Variants in EMSY observed in about 807,000 individuals in gnomAD.
EMSY encodes the protein BRCA2-interacting transcriptional repressor EMSY.
Under a neutral mutation model 134.6 loss-of-function variants are expected in EMSY, and 26 were observed. The ratio of observed to expected loss-of-function variants is 0.19; its 90% CI spans 0.14 to 0.27. The LOEUF (loss-of-function observed/expected upper bound fraction) is 0.27. Ranked by LOEUF, EMSY falls within the 10% of genes least tolerant of loss-of-function variation. The pLI is 1.00. For synonymous variants in EMSY, 579 were observed against 577.8 expected (o/e 1.00, Z -0.03); for missense variants, 1,305 against 1,611.4 (o/e 0.81, Z 3.26).
chr11:76,448,636 A>G lies in EMSY; in HGVS notation c.70+1628A>G, dbSNP rs1947520011. Among the ~76,000 whole-genome samples the G allele has an allele frequency of 2.0e-5, 3 of 151,826 alleles. No individual in the cohort carries two copies. The South Asian group carries it at 6.2e-4, about 32-fold the overall frequency. The stretch of plus-strand genomic sequence containing the variant: ...TGCTTCTATATAAAAGAAAACAGTC[A>G]TCTCGTATGGTAATATCATCTTCAT... On this transcript the variant is annotated intron_variant, in intron 2 of 20. Coordinates refer to ENST00000334736, the Ensembl canonical transcript of EMSY.
chr11:76,523,346 G>A, intron 12 of EMSY, 55 bp downstream of exon 13: 4 of 1,562,046 alleles, frequency 2.6e-6, no homozygotes, highest in Non-Finnish European at 3.5e-6. Flanking sequence ...TTAAAGACCA[G>A]CTATATAAAT....
intron 8 of EMSY, among the ~76,000 whole-genome samples, chr11:76,476,742 A>G (rs576975091): frequency 7.2e-4 from 110 of 152,172 alleles, no homozygotes; most frequent in Middle Eastern, 3.4e-3. Flanking sequence ...TTCATCTTGT[A>G]CATTTTCTCC....
intron 8 of EMSY, among the ~76,000 whole-genome samples, chr11:76,474,506 A>T (rs1370766821): frequency 6.6e-6 from 1 of 152,196 alleles, no homozygotes; most frequent in Non-Finnish European, 1.5e-5. Flanking sequence ...ATGATGTATT[A>T]TGTATTTTAT....
At chr11:76,446,358 T>TAC (rs1947406684) in intron 1 of EMSY, among the ~76,000 whole-genome samples, 2 of 149,516 alleles carry the variant, frequency 1.3e-5, no homozygotes, top group Non-Finnish European at 3.0e-5. Context: ...TGTATATATA[T>TAC]ATATGTATGT....
chr11:76,534,252 T>G (rs1477462915), intron 14 of EMSY, among the ~76,000 whole-genome samples: 1 of 152,172 alleles, frequency 6.6e-6, no homozygotes, highest in Non-Finnish European at 1.5e-5. Context: ...ATTTCTTAAG[T>G]TTGAGAGCTT....
chr11:76,518,703 A>ATATATATATATTTT (rs57143914), intron 11 of EMSY, among the ~76,000 whole-genome samples: 51 of 130,188 alleles, frequency 3.9e-4, no homozygotes, highest in African/African-American at 8.4e-4. Flanking sequence ...ATATATATAT[A>ATATATATATATTTT]TTTTTTTTTT....
exon 16 of EMSY, chr11:76,537,905 A>T: frequency 6.2e-7 from 1 of 1,613,904 alleles, no homozygotes; most frequent in Non-Finnish European, 8.5e-7. Context: ...GAGTCCATCA[A>T]TTGCTGTGGT....
intron 3 of EMSY, among the ~76,000 whole-genome samples, chr11:76,452,740 T>A (rs1030479449): frequency 6.6e-6 from 1 of 152,234 alleles, no homozygotes; most frequent in Admixed American, 6.5e-5. Context: ...ATTGGTAACA[T>A]AATGTAATGT....
In EMSY at chr11:76,544,175, G is replaced by T. The variant is rs1304467727; in HGVS notation, c.2710-84G>T. 14 of 1,359,652 alleles carry T rather than the reference G, an allele frequency of 1.0e-5. No individual in the cohort carries two copies. In the Admixed American group the frequency reaches 2.1e-4, roughly 20 times the overall value. 84.2% of individuals were successfully genotyped at this position (1,359,652 alleles called of 1,614,324 possible). ...TTCTGAAAATTTTTGAGTGAATCTC[G>T]TAAGTCTTTTTCAGTTAAGAGGAAA... On this transcript the variant is annotated intron_variant, in intron 18 of 20. Transcript: ENST00000334736.
intron 14 of EMSY, among the ~76,000 whole-genome samples, chr11:76,532,473 C>T (rs1048439056): frequency 1.3e-5 from 2 of 151,582 alleles, no homozygotes; most frequent in Non-Finnish European, 2.9e-5. Context: ...TTAAGGCCAT[C>T]CTCGCCTAGG....
intron 9 of EMSY, among the ~76,000 whole-genome samples, chr11:76,500,516 A>T (rs1949819936): frequency 6.6e-6 from 1 of 152,244 alleles, no homozygotes; most frequent in South Asian, 2.1e-4. Context: ...AAAGCTGGGA[A>T]GAGCCTTCAT....
At chr11:76,518,705 T>TATATATATATA (rs1406438858) in intron 11 of EMSY, among the ~76,000 whole-genome samples, 2,257 of 80,300 alleles carry the variant, frequency 0.028, 22 homozygotes, top group Non-Finnish European at 0.04. Context: ...ATATATATAT[T>TATATATATATA]TTTTTTTTAA....
At chr11:76,496,940 T>C in intron 9 of EMSY, 1 of 232,812 alleles carries the variant, frequency 4.3e-6, no homozygotes, top group Non-Finnish European at 8.4e-6. Context: ...TGAATAAGAG[T>C]GAGGAAAGTG....
intron 2 of EMSY, 30 bp downstream of exon 2, chr11:76,447,038 C>T: frequency 6.2e-7 from 1 of 1,603,032 alleles, no homozygotes; most frequent in Non-Finnish European, 8.5e-7. Flanking sequence ...TTTTTTACCT[C>T]TCTCTGATAC....
chr11:76,471,313 CTCTT>C (rs1480865592), intron 7 of EMSY, among the ~76,000 whole-genome samples: 2 of 152,062 alleles, frequency 1.3e-5, no homozygotes, highest in African/African-American at 4.8e-5. Flanking sequence ...TTTTCTCATT[CTCTT>C]TGTTTTGTTT....
chr11:76,481,574 C>G (rs529640860), intron 8 of EMSY, among the ~76,000 whole-genome samples: 141 of 152,330 alleles, frequency 9.3e-4, no homozygotes, highest in Middle Eastern at 3.4e-3. Context: ...GGGTATCCAC[C>G]ATTACTTAGG....
intron 14 of EMSY, 119 bp downstream of exon 15, chr11:76,528,585 CTTTT>C (rs1202039448): frequency 3.3e-4 from 139 of 419,554 alleles, no homozygotes; most frequent in Middle Eastern, 1.3e-3. Context: ...AATTCTTTTC[CTTTT>C]TTTTTTTTTT....
At chr11:76,517,497 T>G (rs2513520) in intron 11 of EMSY, among the ~76,000 whole-genome samples, 82,074 of 151,978 alleles carry the variant, frequency 0.54, 23,274 homozygotes, top group South Asian at 0.67. Flanking sequence ...ATTTCATTGG[T>G]AGGTAGTTTT....
chr11:76,520,465 A>C (rs1950602552), intron 11 of EMSY, among the ~76,000 whole-genome samples: 1 of 152,206 alleles, frequency 6.6e-6, no homozygotes, highest in Non-Finnish European at 1.5e-5. Context: ...AAAAAGGTCT[A>C]TAGAGTTAAT....
Sources: gnomAD v4.1 joint callset for allele counts (sites outside exome capture counted in the v4.1 genomes callset) on GRCh38, gnomAD v4.1.1 for gene constraint, MANE v1.5 for transcripts, NCBI Gene and HGNC (gene_info 2026-07-23, HGNC 2026-07-21) for gene names.